Variants in IQCJ observed in about 807,000 individuals in gnomAD.
IQCJ encodes the protein IQ motif containing J.
A neutral mutation model predicts 11.0 loss-of-function variants in IQCJ; 9 were observed. The ratio of observed to expected loss-of-function variants is 0.82; its 90% CI spans 0.49 to 1.43. IQCJ has a LOEUF of 1.43. Among genes scored for constraint, IQCJ ranks in the 40% most tolerant of loss-of-function variants. The pLI is 0.00. For missense variants in IQCJ, 146 were observed against 133.2 expected (o/e 1.10, Z -0.47); for synonymous variants, 55 against 51.3 (o/e 1.07, Z -0.31).
chr3:159,227,709 G>A (rs543988341), intron 1 of IQCJ, among the ~76,000 whole-genome samples: 229 of 152,316 alleles, frequency 1.5e-3, no homozygotes, highest in African/African-American at 5.4e-3. Flanking sequence ...GATTATTCCA[G>A]AGTTCTACAT....
chr3:159,204,002 G>C (rs1267550281), intron 1 of IQCJ, among the ~76,000 whole-genome samples: 1 of 152,138 alleles, frequency 6.6e-6, no homozygotes, highest in Non-Finnish European at 1.5e-5. Context: ...AGAAGGTCAT[G>C]GCTCTGTGTA....
At chr3:159,070,769 T>C (rs1052957538) in intron 1 of IQCJ, among the ~76,000 whole-genome samples, 1 of 152,210 alleles carries the variant, frequency 6.6e-6, no homozygotes, top group Non-Finnish European at 1.5e-5. Context: ...GTAGGTTTTT[T>C]AAATGTACGT....
chr3:159,101,694 G>T (rs548619334), intron 1 of IQCJ, among the ~76,000 whole-genome samples: 1 of 152,250 alleles, frequency 6.6e-6, no homozygotes, highest in East Asian at 1.9e-4. Flanking sequence ...CCCATCTACT[G>T]TGTTTCTGAC....
chr3:159,179,660 G>A (rs1722980244), intron 1 of IQCJ, among the ~76,000 whole-genome samples: 3 of 152,106 alleles, frequency 2.0e-5, no homozygotes, highest in African/African-American at 7.2e-5. Context: ...TTTTACTTAA[G>A]CACATTTCTA....
Position 159,129,038 on chromosome 3 carries a change from TCAA to T in IQCJ, c.9+59607_9+59609del, listed in dbSNP as rs369810396. ...CCACGCATACCAACTCATCACACGT[TCAA>T]CAACAACAATAACAACAAATTTTTC... On this transcript the variant is annotated intron_variant, in intron 1 of 3. Coordinates refer to ENST00000397832, the MANE Select transcript of IQCJ (RefSeq NM_001042706.3). Among the ~76,000 whole-genome samples the T allele has an allele frequency of 3.2e-3, 493 of 152,266 alleles. 1 individual carries two copies. The highest frequency in any genetic ancestry group is 0.011 in the African/African-American group (464 of 41,546).
chr3:159,204,036 G>A (rs1404332290), intron 1 of IQCJ, among the ~76,000 whole-genome samples: 1 of 152,118 alleles, frequency 6.6e-6, no homozygotes, highest in Non-Finnish European at 1.5e-5. Context: ...GGCCCCAGTA[G>A]GCATAAGAAA....
At chr3:159,219,725 T>C (rs1405195827) in intron 1 of IQCJ, among the ~76,000 whole-genome samples, 1 of 152,172 alleles carries the variant, frequency 6.6e-6, no homozygotes, top group Non-Finnish European at 1.5e-5. Context: ...CTTAACAATA[T>C]GGAGGGGCTA....
intron 1 of IQCJ, among the ~76,000 whole-genome samples, chr3:159,231,981 C>T (rs1301242594): frequency 6.6e-6 from 1 of 152,148 alleles, no homozygotes; most frequent in Non-Finnish European, 1.5e-5. Flanking sequence ...GTGATAGCCC[C>T]TTAATCATTT....
chr3:159,154,786 CAA>C (rs1365778980), intron 1 of IQCJ, among the ~76,000 whole-genome samples: 5 of 152,206 alleles, frequency 3.3e-5, no homozygotes, highest in African/African-American at 9.7e-5. Flanking sequence ...ACTGCAGTCA[CAA>C]TGTCTGGTGT....
At chr3:159,259,755 G>T (rs1028882456) in intron 3 of IQCJ, among the ~76,000 whole-genome samples, 1 of 152,130 alleles carries the variant, frequency 6.6e-6, no homozygotes. Context: ...TTGGGTAATA[G>T]CCTGGTGTGA....
chr3:159,089,074 T>A (rs1027690422), intron 1 of IQCJ, among the ~76,000 whole-genome samples: 1 of 152,194 alleles, frequency 6.6e-6, no homozygotes, highest in African/African-American at 2.4e-5. Flanking sequence ...TTCCTTTACA[T>A]GTTTAGTGCT....
intron 3 of IQCJ, 104 bp from the exon 4 acceptor site, chr3:159,262,444 C>T (rs1728265027): frequency 1.3e-6 from 2 of 1,501,864 alleles, no homozygotes; most frequent in African/African-American, 1.4e-5. Flanking sequence ...TCCCTTGGCA[C>T]CAAAGCCAAT....
chr3:159,192,342 C>A (rs1250155136), intron 1 of IQCJ, among the ~76,000 whole-genome samples: 3 of 152,148 alleles, frequency 2.0e-5, no homozygotes, highest in Admixed American at 6.5e-5. Context: ...TCATTACATA[C>A]AAAACTTGTA....
In IQCJ at chr3:159,162,956, A is replaced by G. The variant is rs574932802; in HGVS notation, c.10-82887A>G. Among the ~76,000 whole-genome samples, 11 of 152,354 alleles carry G rather than the reference A, an allele frequency of 7.2e-5. No individual in the cohort carries two copies. In the South Asian group the frequency reaches 2.1e-3, roughly 29 times the overall value. On this transcript the variant is annotated intron_variant, in intron 1 of 3. Coordinates refer to ENST00000397832, the MANE Select transcript of IQCJ (RefSeq NM_001042706.3). ...GTAGCTTACCAACTAAAAAGAGTCC[A>G]GGACCAGATGGATTCACAGCCGAAT...
rs78087483 is a variant in IQCJ, at chr3:159,158,342, G to A, written c.10-87501G>A. On this transcript the variant is annotated intron_variant, in intron 1 of 3. Transcript: ENST00000397832. ...AGCCCTGTAGGAGGCAGAACAATAC[G>A]TCCTTGAGAAAGTGGAAAGTTCTTC... is the stretch of plus-strand genomic sequence containing the variant. Among the ~76,000 whole-genome samples, 17 of 152,284 alleles carry A rather than the reference G, an allele frequency of 1.1e-4. No individual in the cohort carries two copies. In the South Asian group the frequency reaches 1.2e-3, roughly 11 times the overall value.
At chr3:159,248,310 T>C (rs1226707100) in intron 2 of IQCJ, among the ~76,000 whole-genome samples, 1 of 152,242 alleles carries the variant, frequency 6.6e-6, no homozygotes, top group African/African-American at 2.4e-5. Flanking sequence ...GAATCTGGCA[T>C]GTCATCAGAT....
intron 1 of IQCJ, among the ~76,000 whole-genome samples, chr3:159,163,817 G>A (rs370381350): frequency 9.2e-5 from 14 of 152,238 alleles, no homozygotes; most frequent in African/African-American, 2.6e-4. Context: ...ACTGGAGGTT[G>A]GGAAGTCTGG....
chr3:159,107,586 G>A (rs534609985), intron 1 of IQCJ, among the ~76,000 whole-genome samples: 2 of 152,174 alleles, frequency 1.3e-5, no homozygotes, highest in East Asian at 1.9e-4. Flanking sequence ...ATTTAAGAAC[G>A]GTGTGGCTGA....
chr3:159,248,061 C>A lies in IQCJ; in HGVS notation c.74+2154C>A, dbSNP rs559747802. The stretch of plus-strand genomic sequence containing the variant: ...AAAATTGAAAACTTTGGGTCTGATG[C>A]CTCTTTCTACTCTTTCTTAGCTTTG... On this transcript the variant is annotated intron_variant, in intron 2 of 3. Transcript: ENST00000397832. Among the ~76,000 whole-genome samples, 9 of 152,242 alleles carry A rather than the reference C, an allele frequency of 5.9e-5. No individual in the cohort carries two copies. The South Asian group carries it at 1.9e-3, about 32-fold the overall frequency.
Sources: gnomAD v4.1 joint callset for allele counts (sites outside exome capture counted in the v4.1 genomes callset) on GRCh38, gnomAD v4.1.1 for gene constraint, MANE v1.5 for transcripts, NCBI Gene and HGNC (gene_info 2026-07-23, HGNC 2026-07-21) for gene names.